Variants in CAMTA1 observed in about 807,000 individuals in gnomAD.
The protein encoded by CAMTA1 is calmodulin-binding transcription activator 1.
Under a neutral mutation model 170.9 loss-of-function variants are expected in CAMTA1, and 27 were observed. The ratio of observed to expected loss-of-function variants is 0.16; its 90% CI spans 0.12 to 0.22. CAMTA1 has a LOEUF of 0.22. CAMTA1 is among the 10% of genes least tolerant of loss of function. The pLI is 1.00. For synonymous variants in CAMTA1, 833 were observed against 891.5 expected (o/e 0.93, Z 1.17); for missense variants, 1,619 against 2,217.2 (o/e 0.73, Z 5.42).
rs574883109 is a variant in CAMTA1, at chr1:6,830,456, G to T, written c.234+5246G>T. On this transcript the variant is annotated intron_variant, in intron 3 of 22. Transcript: ENST00000303635. ...CCTCCCGGGTTCAAGCGATTCTCCTGCCTCAGCCTCCTGTGTAGCTGTGAT... is the reference window on the plus strand; with the variant it reads ...CCTCCCGGGTTCAAGCGATTCTCCTTCCTCAGCCTCCTGTGTAGCTGTGAT... Among the ~76,000 whole-genome samples, 292 of 151,074 alleles carry T rather than the reference G, an allele frequency of 1.9e-3. 1 individual carries two copies. The highest frequency in any genetic ancestry group is 6.6e-3 in the African/African-American group (273 of 41,114).
rs1365836195 is a variant in CAMTA1, at chr1:7,655,620, A to G, written c.665-6106A>G. On this transcript the variant is annotated intron_variant, in intron 7 of 22. Transcript: ENST00000303635. The stretch of plus-strand genomic sequence containing the variant: ...TACACACACCTATACACACCCACAC[A>G]CCTATACACACACCTATACACACAC... Among the ~76,000 whole-genome samples the G allele has an allele frequency of 4.0e-5, 5 of 126,272 alleles. No individual in the cohort carries two copies. In the East Asian group the frequency reaches 7.8e-4, roughly 20 times the overall value. 82.8% of individuals were successfully genotyped at this position (126,272 alleles called of 152,430 possible).
intron 6 of CAMTA1, among the ~76,000 whole-genome samples, chr1:7,557,169 G>A (rs116216628): frequency 2.6e-5 from 4 of 152,052 alleles, no homozygotes; most frequent in Non-Finnish European, 5.9e-5. Context: ...TTAGCGGGGC[G>A]TGGCAGTGTG....
At chr1:6,879,680 G>A (rs922047969) in intron 3 of CAMTA1, among the ~76,000 whole-genome samples, 1 of 150,704 alleles carries the variant, frequency 6.6e-6, no homozygotes, top group South Asian at 2.1e-4. Context: ...GCCCACTGGA[G>A]TGCAGTGGCA....
intron 22 of CAMTA1, among the ~76,000 whole-genome samples, chr1:7,757,165 C>T (rs1341639600): frequency 6.6e-6 from 1 of 152,186 alleles, no homozygotes. Context: ...TATGTTGGTG[C>T]TAATCTTTAT....
At chr1:6,940,643 A>G (rs964207191) in intron 3 of CAMTA1, among the ~76,000 whole-genome samples, 95 of 152,276 alleles carry the variant, frequency 6.2e-4, no homozygotes, top group African/African-American at 2.1e-3. Flanking sequence ...GCAGAAAAGA[A>G]GAAATGGGCC....
chr1:7,718,602 G>T (rs1254134509), intron 11 of CAMTA1, among the ~76,000 whole-genome samples: 7 of 148,052 alleles, frequency 4.7e-5, no homozygotes, highest in African/African-American at 1.8e-4. Context: ...TGTCACCCAG[G>T]CTGGAGTGCA....
At chr1:6,796,772 G>C (rs1642629835) in intron 1 of CAMTA1, among the ~76,000 whole-genome samples, 1 of 152,104 alleles carries the variant, frequency 6.6e-6, no homozygotes, top group African/African-American at 2.4e-5. Context: ...TACTACGTTA[G>C]AACAGTTCTT....
At chr1:7,721,847 C>G (rs899820714) in intron 11 of CAMTA1, among the ~76,000 whole-genome samples, 6 of 152,266 alleles carry the variant, frequency 3.9e-5, no homozygotes, top group African/African-American at 1.4e-4. Context: ...CTCCCGACCT[C>G]AGGTGATCCG....
At chr1:7,045,864 C>T (rs959753513) in intron 3 of CAMTA1, among the ~76,000 whole-genome samples, 3 of 152,188 alleles carry the variant, frequency 2.0e-5, no homozygotes, top group Non-Finnish European at 4.4e-5. Context: ...GCAGAGGCCT[C>T]GAATGTGCCC....
intron 5 of CAMTA1, among the ~76,000 whole-genome samples, chr1:7,343,875 A>T (rs1197813600): frequency 2.0e-5 from 3 of 152,152 alleles, no homozygotes. Context: ...GTGTAGCTAG[A>T]GTTCATCAAT....
At chr1:7,021,093 C>T (rs980409150) in intron 3 of CAMTA1, among the ~76,000 whole-genome samples, 6 of 152,246 alleles carry the variant, frequency 3.9e-5, no homozygotes, top group African/African-American at 1.4e-4. Flanking sequence ...CCATGGCTGA[C>T]ACAGCTGGCC....
intron 4 of CAMTA1, among the ~76,000 whole-genome samples, chr1:7,167,574 A>G (rs1166825169): frequency 6.6e-6 from 1 of 152,110 alleles, no homozygotes; most frequent in Non-Finnish European, 1.5e-5. Context: ...TATGTTCTGC[A>G]TTTCACCTAT....
intron 3 of CAMTA1, among the ~76,000 whole-genome samples, chr1:6,836,966 G>C (rs907547994): frequency 6.7e-6 from 1 of 149,222 alleles, no homozygotes; most frequent in Non-Finnish European, 1.5e-5. Context: ...TTTTGAGATG[G>C]AGTCTCTGTT....
chr1:6,973,354 C>G (rs1053521655), intron 3 of CAMTA1, among the ~76,000 whole-genome samples: 2 of 152,212 alleles, frequency 1.3e-5, no homozygotes, highest in Non-Finnish European at 2.9e-5. Flanking sequence ...TTTGATACCT[C>G]ACATAAGGAG....
In CAMTA1 at chr1:6,905,409, G is replaced by A. The variant is rs112279113; in HGVS notation, c.234+80199G>A. The stretch of plus-strand genomic sequence containing the variant: ...GGGTTTCACCATGTTGGCCAGGGCT[G>A]GTGTTGAACTCCTGACCTCAGGTGA... On this transcript the variant is annotated intron_variant, in intron 3 of 22. Transcript: ENST00000303635. 4.4e-4 allele frequency among the ~76,000 whole-genome samples: 67 copies of A among 152,164 alleles called. 1 individual carries two copies. Among genetic ancestry groups the A allele is most frequent in the African/African-American group, 1.5e-3 (64 of 41,496 alleles).
rs77139320 is a variant in CAMTA1, at chr1:7,263,546, C to A, written c.438+13920C>A. Among the ~76,000 whole-genome samples the A allele has an allele frequency of 3.4e-3, 518 of 152,224 alleles. 3 individuals are homozygous for A. Among genetic ancestry groups the A allele is most frequent in the African/African-American group, 0.012 (482 of 41,532 alleles). On this transcript the variant is annotated intron_variant, in intron 5 of 22. Coordinates refer to ENST00000303635, the MANE Select transcript of CAMTA1 (RefSeq NM_015215.4). ...GAAATAAATTCAGTGAATTATCCTCCGTTTCTTTTAGGTCTGAGATGTTTT... is the reference window on the plus strand; with the variant it reads ...GAAATAAATTCAGTGAATTATCCTCAGTTTCTTTTAGGTCTGAGATGTTTT...
intron 11 of CAMTA1, among the ~76,000 whole-genome samples, chr1:7,706,827 GTAT>G (rs2096529296): frequency 6.7e-6 from 1 of 149,996 alleles, no homozygotes; most frequent in African/African-American, 2.5e-5. Flanking sequence ...AGTCTTGTTT[GTAT>G]TATTTAAGGA....
intron 5 of CAMTA1, among the ~76,000 whole-genome samples, chr1:7,431,295 G>A (rs916639946): frequency 6.6e-6 from 1 of 152,240 alleles, no homozygotes; most frequent in East Asian, 1.9e-4. Context: ...GCCTGGCCAG[G>A]AAGCTTGGTT....
chr1:7,256,852 T>C (rs1667454262), intron 5 of CAMTA1, among the ~76,000 whole-genome samples: 4 of 151,958 alleles, frequency 2.6e-5, no homozygotes, highest in Admixed American at 2.6e-4. Context: ...GGCATTTTGG[T>C]GTCTGGCGAG....
Sources: allele counts gnomAD v4.1 joint callset (sites outside exome capture counted in the v4.1 genomes callset), GRCh38; gene constraint gnomAD v4.1.1; transcripts MANE v1.5; gene names NCBI Gene and HGNC (gene_info 2026-07-23, HGNC 2026-07-21).